Variants in SLC36A1 observed in about 807,000 individuals in gnomAD.
The protein encoded by SLC36A1 is solute carrier family 36 member 1.
Under a neutral mutation model 47.5 loss-of-function variants are expected in SLC36A1, and 30 were observed. That is an observed-to-expected ratio of 0.63 (90% confidence interval 0.47 to 0.86). The LOEUF is 0.86. SLC36A1 is among the 40% of genes least tolerant of loss of function. The pLI is 0.00. For missense variants in SLC36A1, 517 were observed against 606.0 expected, an observed-to-expected ratio of 0.85 and a Z score of 1.54; for synonymous variants, 255 against 249.7, an observed-to-expected ratio of 1.02 and a Z score of -0.20.
At chr5:151,445,095 G>A (rs909571599), upstream of SLC36A1, among the ~76,000 whole-genome samples, 2 of 151,892 alleles carry the variant, frequency 1.3e-5, no homozygotes, top group East Asian at 1.9e-4. Context: ...TTTCATAAAC[G>A]ACCTTATTAT....
At chr5:151,449,494 G>A (rs978289761) in intron 1 of SLC36A1, among the ~76,000 whole-genome samples, 6 of 152,088 alleles carry the variant, frequency 3.9e-5, no homozygotes, top group African/African-American at 1.2e-4. Flanking sequence ...GTTTATATTC[G>A]CCTGCTCTGG....
chr5:151,383,716 G>A, the SLC36A1 span, among the ~76,000 whole-genome samples: 1 of 151,938 alleles, frequency 6.6e-6, no homozygotes, highest in Non-Finnish European at 1.5e-5. Context: ...GGAATTACAG[G>A]CACCTGGCAT....
chr5:151,419,715 G>A, the SLC36A1 span, among the ~76,000 whole-genome samples: 1 of 152,214 alleles, frequency 6.6e-6, no homozygotes, highest in East Asian at 1.9e-4. Flanking sequence ...AGGTGGTGCT[G>A]ATGCAGCTGG....
the SLC36A1 span, chr5:151,549,585 G>A: frequency 8.4e-7 from 1 of 1,194,472 alleles, no homozygotes; most frequent in South Asian, 1.3e-5. Context: ...TAATGAACTA[G>A]AATGCCAATT....
chr5:151,357,980 A>T, the SLC36A1 span, among the ~76,000 whole-genome samples: 1 of 152,248 alleles, frequency 6.6e-6, no homozygotes, highest in Non-Finnish European at 1.5e-5. Flanking sequence ...TCCAGGCTGC[A>T]TTGTGGTCAG....
At chr5:151,528,107 G>C in the SLC36A1 span, 18 of 1,614,094 alleles carry the variant, frequency 1.1e-5, no homozygotes, top group Non-Finnish European at 1.5e-5. Context: ...CACTATTTAG[G>C]GGTCCATCTT....
chr5:151,540,840 T>C, the SLC36A1 span: 3 of 1,316,636 alleles, frequency 2.3e-6, no homozygotes, highest in East Asian at 2.4e-5. Context: ...TGGCTGCCCA[T>C]TGGATGCATT....
the SLC36A1 span, chr5:151,512,178 C>T: frequency 6.2e-6 from 10 of 1,613,324 alleles, no homozygotes; most frequent in Non-Finnish European, 8.5e-6. The surrounding 1 kb of genome is among the most constrained non-coding windows in gnomAD (Gnocchi z 4.1). Flanking sequence ...CCCCATGGGT[C>T]CATGAGCACT....
At chr5:151,472,458 C>T (rs189584284) in intron 7 of SLC36A1, among the ~76,000 whole-genome samples, 3 of 152,366 alleles carry the variant, frequency 2.0e-5, no homozygotes, top group Admixed American at 6.5e-5. Flanking sequence ...AATACTTTGC[C>T]TCCTTCAGTG....
At chr5:151,363,523 A>C in the SLC36A1 span, among the ~76,000 whole-genome samples, 6 of 152,200 alleles carry the variant, frequency 3.9e-5, no homozygotes, top group Admixed American at 2.0e-4. Context: ...GGTTTTCTGT[A>C]GGGGAAACTG....
the SLC36A1 span, among the ~76,000 whole-genome samples, chr5:151,501,172 A>G: frequency 1.3e-5 from 2 of 152,178 alleles, no homozygotes; most frequent in East Asian, 1.9e-4. Context: ...GGACCAGGTC[A>G]TTGTTTCCCA....
chr5:151,361,339 C>T, the SLC36A1 span, among the ~76,000 whole-genome samples: 2 of 152,158 alleles, frequency 1.3e-5, no homozygotes, highest in South Asian at 2.1e-4. Context: ...TTATTAGCAA[C>T]ATTGTATTCT....
chr5:151,530,267 C>G, the SLC36A1 span, among the ~76,000 whole-genome samples: 4 of 148,568 alleles, frequency 2.7e-5, no homozygotes, highest in Non-Finnish European at 3.0e-5. Flanking sequence ...AAAAAAAAAG[C>G]CAGTTAGCTC....
Position 151,457,840 on chromosome 5 carries a change from T to G in SLC36A1, c.-5-948T>G, listed in dbSNP as rs147749101. ...AGAGGGGATTTCTGTTTTCTTTTTTTTTGTTGTTTGTTTGTTTTTTTTTTT... is the reference window on the plus strand; with the variant it reads ...AGAGGGGATTTCTGTTTTCTTTTTTGTTGTTGTTTGTTTGTTTTTTTTTTT... On this transcript the variant is annotated intron_variant, in intron 1 of 10. Transcript: ENST00000243389. Among the ~76,000 whole-genome samples the G allele has an allele frequency of 8.5e-4, 117 of 138,130 alleles. 1 individual carries two copies. The highest frequency in any genetic ancestry group is 1.7e-3 in the East Asian group (6 of 3,552). 90.6% of individuals were successfully genotyped at this position (138,130 alleles called of 152,430 possible).
chr5:151,370,085 G>A, the SLC36A1 span, among the ~76,000 whole-genome samples: 1 of 152,246 alleles, frequency 6.6e-6, no homozygotes, highest in African/African-American at 2.4e-5. Flanking sequence ...ACAGGCGTGA[G>A]CCACTGTGCC....
chr5:151,542,245 A>G, the SLC36A1 span: 1,408 of 1,528,708 alleles, frequency 9.2e-4, 1 homozygote, highest in Non-Finnish European at 1.1e-3. Flanking sequence ...ATGTTTTTCG[A>G]TACATTCCAG....
At chr5:151,531,510 C>G in the SLC36A1 span, 2 of 1,576,828 alleles carry the variant, frequency 1.3e-6, no homozygotes, top group Non-Finnish European at 1.7e-6. The surrounding 1 kb of genome is among the most constrained non-coding windows in gnomAD (Gnocchi z 5.7). Context: ...AGGGTAGATA[C>G]CCACACAGGG....
rs139693269 is a variant in SLC36A1, at chr5:151,492,356, A to G, written c.*4102A>G. ...TATGTTAAGCTTTTTCTTTTCAATAAATGAATTTTATTTTTATTTTTGAGA... is the reference window on the plus strand; with the variant it reads ...TATGTTAAGCTTTTTCTTTTCAATAGATGAATTTTATTTTTATTTTTGAGA... On this transcript the variant is annotated 3_prime_UTR_variant, in exon 11 of 11. Transcript: ENST00000243389. 6.6e-6 allele frequency: 1 copy of G among 151,840 alleles called. No homozygotes were observed. Among genetic ancestry groups the G allele is most frequent in the East Asian group, 1.9e-4 (1 of 5,168 alleles). The allele number at this position is 151,840 out of a possible 1,614,324, so 9.4% of individuals were successfully genotyped here. A position where few individuals can be genotyped will look rare whatever the true frequency, so the allele number is the denominator to read the frequency against.
the SLC36A1 span, chr5:151,542,880 T>C: frequency 6.2e-7 from 1 of 1,614,210 alleles, no homozygotes; most frequent in Non-Finnish European, 8.5e-7. Flanking sequence ...TCCTCACCTT[T>C]ATGACCCCTG....
Sources: allele counts gnomAD v4.1 joint callset (sites outside exome capture counted in the v4.1 genomes callset), GRCh38; gene constraint gnomAD v4.1.1; non-coding constraint Gnocchi (gnomAD v3.1); transcripts MANE v1.5; gene names NCBI Gene and HGNC (gene_info 2026-07-23, HGNC 2026-07-21).